SBF2: variants seen among roughly 807,000 people sequenced by gnomAD.
SBF2 encodes SET binding factor 2.
SBF2 carries 112 observed loss-of-function variants against 225.2 expected under a neutral mutation model. The ratio of observed to expected loss-of-function variants is 0.50; its 90% CI spans 0.43 to 0.58. The LOEUF (loss-of-function observed/expected upper bound fraction) is 0.58, where lower values mean the gene tolerates loss of function less well. Among genes scored for constraint, SBF2 ranks in the 20% least tolerant of loss-of-function variants. The probability of loss-of-function intolerance (pLI) is 0.00; values close to 1 mark genes in which losing one functional copy is unlikely to be tolerated. For synonymous variants in SBF2, 763 were observed against 773.3 expected, an observed-to-expected ratio of 0.99 and a Z score of 0.22; for missense variants, 1,996 against 2,206.2, an observed-to-expected ratio of 0.90 and a Z score of 1.91.
chr11:9,864,684 G>A (rs951394797), intron 17 of SBF2, among the ~76,000 whole-genome samples: 1 of 152,102 alleles, frequency 6.6e-6, no homozygotes, highest in African/African-American at 2.4e-5. Context: ...ACCAGGCCCA[G>A]TTGAACTCTG....
chr11:9,856,269 T>C (rs1007004496), intron 19 of SBF2, among the ~76,000 whole-genome samples, 189 bp downstream of exon 19: 2 of 152,082 alleles, frequency 1.3e-5, no homozygotes, highest in Non-Finnish European at 2.9e-5. Context: ...GTGTGGGAAG[T>C]GGTTAAGAAT....
chr11:9,915,842 C>G (rs1198488932), intron 16 of SBF2, among the ~76,000 whole-genome samples: 1 of 152,178 alleles, frequency 6.6e-6, no homozygotes, highest in Non-Finnish European at 1.5e-5. Flanking sequence ...GTGGGTGGAT[C>G]ACCTAAGGTC....
At chr11:9,819,632 C>T (rs1854642645) in intron 28 of SBF2, 1 of 152,118 alleles carries the variant, frequency 6.6e-6, no homozygotes, top group African/African-American at 2.4e-5. Context: ...CAGTCAGAAA[C>T]AAATTTTTAT....
intron 32 of SBF2, among the ~76,000 whole-genome samples, chr11:9,798,820 C>T (rs768858992): frequency 1.3e-5 from 2 of 151,852 alleles, no homozygotes; most frequent in African/African-American, 4.8e-5. Context: ...GGCGTGGTGG[C>T]GGGCGCCTGT....
chr11:10,250,282 A>G (rs1226292408), intron 1 of SBF2, among the ~76,000 whole-genome samples: 2 of 152,202 alleles, frequency 1.3e-5, no homozygotes, highest in African/African-American at 4.8e-5. Flanking sequence ...ATGATAACCC[A>G]TTAGTTATCT....
At chr11:10,065,336 G>T (rs1950589558) in intron 2 of SBF2, among the ~76,000 whole-genome samples, 1 of 151,998 alleles carries the variant, frequency 6.6e-6, no homozygotes. Flanking sequence ...GATGAACTCA[G>T]TTTCCACCTT....
At chr11:10,251,055 G>C (rs1363835926) in intron 1 of SBF2, among the ~76,000 whole-genome samples, 1 of 152,148 alleles carries the variant, frequency 6.6e-6, no homozygotes, top group Non-Finnish European at 1.5e-5. Context: ...AATGTAAAGG[G>C]GGTCTATTAC....
intron 16 of SBF2, among the ~76,000 whole-genome samples, chr11:9,900,029 CTTTTTT>C (rs72178587): frequency 0.023 from 3,073 of 133,266 alleles, 49 homozygotes; most frequent in East Asian, 0.097. Flanking sequence ...TCCTTTTCTT[CTTTTTT>C]TTTTTTTTTA....
chr11:10,051,071 G>C (rs7121704), intron 2 of SBF2, among the ~76,000 whole-genome samples: 1 of 151,696 alleles, frequency 6.6e-6, no homozygotes, highest in Non-Finnish European at 1.5e-5. Context: ...CAATATAAGA[G>C]AAATATACCA....
chr11:9,905,303 C>T (rs1484139752), intron 16 of SBF2, among the ~76,000 whole-genome samples: 1 of 152,080 alleles, frequency 6.6e-6, no homozygotes, highest in East Asian at 1.9e-4. Flanking sequence ...AAGCAGTTAT[C>T]AATATTTATG....
intron 2 of SBF2, among the ~76,000 whole-genome samples, chr11:10,139,346 C>T (rs747115459): frequency 2.0e-5 from 3 of 152,044 alleles, no homozygotes; most frequent in Non-Finnish European, 2.9e-5. Flanking sequence ...GTTAGATCAC[C>T]GCCATCCAAA....
chr11:9,783,875 C>T (rs189107060), intron 38 of SBF2, among the ~76,000 whole-genome samples: 8 of 152,094 alleles, frequency 5.3e-5, no homozygotes, highest in Admixed American at 2.6e-4. Flanking sequence ...AGGTGGTGTT[C>T]GATAAATGTT....
chr11:10,196,866 A>ATATATTTTTTTT lies in SBF2; in HGVS notation c.56-2880_56-2879insAAAAAAAATATA. Among the ~76,000 whole-genome samples, 81 of 99,310 alleles carry ATATATTTTTTTT rather than the reference A, an allele frequency of 8.2e-4. 1 individual carries two copies. The highest frequency in any genetic ancestry group is 2.8e-3 in the South Asian group (8 of 2,860). The allele number at this position is 99,310 out of a possible 152,430, so 65.2% of individuals were successfully genotyped here. On this transcript the variant is annotated intron_variant, in intron 1 of 39. Coordinates refer to ENST00000256190, the MANE Select transcript of SBF2 (RefSeq NM_030962.4). ...TATATATATATATATATATATATAT[A>ATATATTTTTTTT]TTTTTTTTTTCCTACAAAATGAATA... is the stretch of plus-strand genomic sequence containing the variant.
In SBF2 at chr11:10,138,525, AT is replaced by A. The variant is rs200917640; in HGVS notation, c.141+55376del. 7.8e-3 allele frequency among the ~76,000 whole-genome samples: 1,063 copies of A among 135,954 alleles called. 8 individuals carry two copies. Among genetic ancestry groups the A allele is most frequent in the African/African-American group, 0.017 (647 of 37,188 alleles). The allele number at this position is 135,954 out of a possible 152,430, so 89.2% of individuals were successfully genotyped here. ...TTAACTATTCTGAGCTTCTTTTCCT[AT>A]TTTTTTTTTTTTGAGACAGGATTTT... On this transcript the variant is annotated intron_variant, in intron 2 of 39. Transcript: ENST00000256190.
At chr11:10,087,764 T>A (rs1357735333) in intron 2 of SBF2, among the ~76,000 whole-genome samples, 1 of 152,222 alleles carries the variant, frequency 6.6e-6, no homozygotes, top group Non-Finnish European at 1.5e-5. Context: ...TTATACTGTA[T>A]CCTGTGTTTT....
At chr11:9,796,018 GC>G in intron 32 of SBF2, 61 bp from the exon 33 acceptor site, 1 of 1,529,384 alleles carries the variant, frequency 6.5e-7, no homozygotes, top group Non-Finnish European at 9.0e-7. Context: ...TGGATGCCAG[GC>G]CACTGAAGGC....
At chr11:10,291,826 T>C (rs1376454167) in intron 1 of SBF2, among the ~76,000 whole-genome samples, 1 of 152,220 alleles carries the variant, frequency 6.6e-6, no homozygotes, top group Non-Finnish European at 1.5e-5. Context: ...CAGATATTAC[T>C]TATATCAAGT....
chr11:10,008,546 G>C (rs11825045), intron 6 of SBF2, among the ~76,000 whole-genome samples: 1,630 of 152,262 alleles, frequency 0.011, 32 homozygotes, highest in African/African-American at 0.037. Flanking sequence ...TGTCTTACAA[G>C]TCCACCAGCT....
chr11:9,893,775 A>G (rs1288353360), intron 17 of SBF2, among the ~76,000 whole-genome samples: 1 of 152,100 alleles, frequency 6.6e-6, no homozygotes, highest in African/African-American at 2.4e-5. Context: ...CCTCTCCAAC[A>G]TGATCTGAAT....
Sources: allele counts gnomAD v4.1 joint callset (sites outside exome capture counted in the v4.1 genomes callset), GRCh38; gene constraint gnomAD v4.1.1; transcripts MANE v1.5; gene names NCBI Gene and HGNC (gene_info 2026-07-23, HGNC 2026-07-21).